The following HELZ2 variants were observed in gnomAD, a reference collection of about 807,000 sequenced individuals.
HELZ2 encodes helicase with zinc finger 2.
In HELZ2, 143 loss-of-function variants were observed where a neutral mutation model predicts 208.8. The ratio of observed to expected loss-of-function variants is 0.68; its 90% CI spans 0.60 to 0.79. The LOEUF is 0.79. Among genes scored for constraint, HELZ2 ranks in the 30% least tolerant of loss-of-function variants. HELZ2 has a pLI of 0.00. For missense variants in HELZ2, 3,690 were observed against 3,794.5 expected (o/e 0.97, Z 0.72); for synonymous variants, 1,705 against 1,693.7 (o/e 1.01, Z -0.16).
chr20:63,566,413 C>G (rs1215049652), exon 7 of HELZ2: 2 of 1,548,292 alleles, frequency 1.3e-6, no homozygotes, highest in Non-Finnish European at 1.7e-6. Flanking sequence ...AGACACCTGG[C>G]CTAGGTCCCG....
At chr20:63,568,093 T>G in intron 5 of HELZ2, 1 of 567,860 alleles carries the variant, frequency 1.8e-6, no homozygotes, top group South Asian at 2.3e-5. Flanking sequence ...TCCCCAGAAG[T>G]CCTGGGTGGG....
chr20:63,572,329 T>C, exon 1 of HELZ2: 1 of 1,582,582 alleles, frequency 6.3e-7, no homozygotes. Flanking sequence ...GGGCAGGGGG[T>C]GTGAGCAGGT....
chr20:63,572,231 T>C, exon 1 of HELZ2: 2 of 1,601,776 alleles, frequency 1.2e-6, no homozygotes, highest in Non-Finnish European at 1.7e-6. Flanking sequence ...GAAGGCCTCC[T>C]GAGAGTGGCA....
intron 4 of HELZ2, 25 bp from the exon 6 acceptor site, chr20:63,569,024 C>A: frequency 6.3e-7 from 1 of 1,599,052 alleles, no homozygotes; most frequent in Non-Finnish European, 8.5e-7. Flanking sequence ...TGGGTCAGCT[C>A]ATGGGGCCAC....
intron 18 of HELZ2, 119 bp from the exon 20 acceptor site, chr20:63,559,489 C>G: frequency 2.1e-6 from 1 of 473,724 alleles, no homozygotes; most frequent in Non-Finnish European, 3.4e-6. Flanking sequence ...GAGTCAGGGT[C>G]AGGTGGGAGG....
chr20:63,568,940 A>G lies in HELZ2; in HGVS notation c.1148T>C (p.Met383Thr), dbSNP rs749056200. 6.8e-6 allele frequency: 11 copies of G among 1,607,328 alleles called. No individual in the cohort carries two copies. The highest frequency in any genetic ancestry group is 3.3e-5 in the Admixed American group (2 of 60,000). ...CAGTGCTCCCGGAGGCGCGAAGAGC[A>G]TGTTCAGCGCTGGCGTCTGCAATGC... The change falls in exon 5 of 19, where the codon ATG becomes ACG. Residue 383 changes from methionine to threonine, a missense_variant. This residue lies in a region of HELZ2 where 1,119 missense variants were observed against 1,193.4 expected (regional missense o/e 0.94). Coordinates refer to ENST00000467148, the Ensembl canonical transcript of HELZ2.
At chr20:63,560,877 C>A (rs774221878) in exon 15 of HELZ2, 7 of 1,613,146 alleles carry the variant, frequency 4.3e-6, no homozygotes, top group Non-Finnish European at 5.9e-6. Context: ...GTTTTGCAGC[C>A]GCTCATTCTT....
chr20:63,564,616 C>T, exon 8 of HELZ2: 1 of 1,568,932 alleles, frequency 6.4e-7, no homozygotes, highest in East Asian at 2.4e-5. Context: ...TGGGCACTGG[C>T]TCCCTGCCGG....
rs1240693546 is a variant in HELZ2, at chr20:63,560,601, C to T, written c.7378G>A (p.Ala2460Thr). Residue 2460 changes from alanine to threonine, a missense_variant, in exon 16 of 19, where the codon GCT becomes ACT. Physicochemically the swap from Ala to Thr is moderately conservative, Grantham distance 58 (BLOSUM62 0). Transcript: ENST00000467148. ...ATGACAGGGCAGCTCTCCTTGCCAGCGTGGCCCAGGACACTGGGCGGCCTC... is the reference window on the plus strand; with the variant it reads ...ATGACAGGGCAGCTCTCCTTGCCAGTGTGGCCCAGGACACTGGGCGGCCTC... The T allele has an allele frequency of 4.3e-6, 7 of 1,611,774 alleles. No individual in the cohort carries two copies. Among genetic ancestry groups the T allele is most frequent in the East Asian group, 2.2e-5 (1 of 44,868 alleles).
At chr20:63,569,783 A>G in intron 3 of HELZ2, 118 bp from the exon 5 acceptor site, 2 of 1,156,586 alleles carry the variant, frequency 1.7e-6, no homozygotes, top group South Asian at 3.3e-5. Context: ...CACTTCCTGG[A>G]TAGAACGCAA....
Position 63,570,684 on chromosome 20 carries a change from C to T in HELZ2, c.462+1G>A. ...CCCACCCACTCCCAGGGCCCACTTA[C>T]CACAAGGACCTCACTGCTGCTGCGC... On this transcript the variant is annotated splice_donor_variant, in intron 2 of 18. Transcript: ENST00000467148. LOFTEE classifies it high-confidence loss of function. 2.3e-6 allele frequency: 2 copies of T among 870,364 alleles called. No homozygotes were observed. The highest frequency in any genetic ancestry group is 3.5e-6 in the Non-Finnish European group (2 of 579,028). 53.9% of individuals were successfully genotyped at this position (870,364 alleles called of 1,614,324 possible). A position where few individuals can be genotyped will look rare whatever the true frequency, so the allele number is the denominator to read the frequency against.
Position 63,566,361 on chromosome 20 carries a change from C to T in HELZ2, c.2590+17G>A, listed in dbSNP as rs1410586127. 1.3e-6 allele frequency: 2 copies of T among 1,546,628 alleles called. No individual in the cohort carries two copies. The highest frequency in any genetic ancestry group is 1.7e-6 in the Non-Finnish European group (2 of 1,145,552). ...TCCTGGGGCAGCTGGCAGCACCTGG[C>T]CCCGCTGGTCACCCACCTGGCAGGA... On this transcript the variant is annotated intron_variant, in intron 7 of 18. Transcript: ENST00000467148.
upstream of HELZ2, chr20:63,572,490 G>T: frequency 3.2e-6 from 4 of 1,243,846 alleles, no homozygotes; most frequent in Non-Finnish European, 4.3e-6. Context: ...GCCCGGGGCC[G>T]CGGCCTCACC....
At chr20:63,565,021 G>A (rs1321114599) in exon 8 of HELZ2, 1 of 1,585,574 alleles carries the variant, frequency 6.3e-7, no homozygotes, top group East Asian at 2.3e-5. Context: ...GGACAATTTG[G>A]ACCCAGAAGA....
exon 12 of HELZ2, chr20:63,561,657 G>A (rs1464058391): frequency 6.2e-7 from 1 of 1,612,434 alleles, no homozygotes; most frequent in Non-Finnish European, 8.5e-7. Context: ...GCTTCCTGCT[G>A]CCCACACGCG....
intron 5 of HELZ2, chr20:63,567,898 A>C: frequency 1.1e-5 from 7 of 624,348 alleles, no homozygotes; most frequent in East Asian, 2.9e-5. Flanking sequence ...CAATCCAGAA[A>C]TCAGCCCGGG....
chr20:63,567,940 C>T, intron 5 of HELZ2: 1 of 555,028 alleles, frequency 1.8e-6, no homozygotes, highest in East Asian at 3.1e-5. Context: ...CTCTTCCTCC[C>T]ACTCCCCACT....
At chr20:63,572,744 T>C (rs372144855), upstream of HELZ2, 17 of 254,604 alleles carry the variant, frequency 6.7e-5, no homozygotes, top group African/African-American at 3.8e-4. Flanking sequence ...CCATAGGCGC[T>C]GGAGGTTGTG....
chr20:63,560,148 C>T (rs766570749), intron 17 of HELZ2, 23 bp downstream of exon 18: 5 of 1,549,678 alleles, frequency 3.2e-6, no homozygotes, highest in East Asian at 4.8e-5. Flanking sequence ...CTCCCGGCCC[C>T]ACCCACGAGC....
Sources: gnomAD v4.1 joint callset for allele counts on GRCh38, gnomAD v4.1.1 for gene constraint, gnomAD v4.1.1 regional missense constraint, MANE v1.5 for transcripts, NCBI Gene and HGNC (gene_info 2026-07-23, HGNC 2026-07-21) for gene names.